The following CLINT1 variants were observed in gnomAD, a reference collection of about 807,000 sequenced individuals.
The protein encoded by CLINT1 is clathrin interacting protein localized in the trans-Golgi region.
CLINT1 carries 15 observed loss-of-function variants against 70.4 expected under a neutral mutation model. That is an observed-to-expected ratio of 0.21 (90% CI 0.14 to 0.33). The LOEUF is 0.33. Among genes scored for constraint, CLINT1 ranks in the 10% least tolerant of loss-of-function variants. CLINT1 has a pLI of 1.00. For missense variants in CLINT1, 615 were observed against 778.1 expected, an observed-to-expected ratio of 0.79 and a Z score of 2.49; for synonymous variants, 227 against 254.7, an observed-to-expected ratio of 0.89 and a Z score of 1.04.
At chr5:157,830,792 C>CTATA (rs1401102671) in intron 1 of CLINT1, among the ~76,000 whole-genome samples, 234 of 116,426 alleles carry the variant, frequency 2.0e-3, no homozygotes, top group South Asian at 4.3e-3. Context: ...CTCTCTCTCT[C>CTATA]TCTCTATATA....
rs182475505 is a variant in CLINT1, at chr5:157,799,064, A to C, written c.1013-4092T>G. On this transcript the variant is annotated intron_variant, in intron 8 of 11. Coordinates refer to ENST00000411809, the MANE Select transcript of CLINT1 (RefSeq NM_014666.4). Reference sequence around the variant, plus strand: ...CTGAAAAAGATCTGCCACATAATAAATGCTTAAATAACTACATTAATGGAA... The same window carrying C: ...CTGAAAAAGATCTGCCACATAATAACTGCTTAAATAACTACATTAATGGAA... 1.7e-3 allele frequency among the ~76,000 whole-genome samples: 257 copies of C among 152,258 alleles called. 1 individual carries two copies. Among genetic ancestry groups the C allele is most frequent in the African/African-American group, 6.0e-3 (249 of 41,586 alleles).
intron 8 of CLINT1, among the ~76,000 whole-genome samples, chr5:157,796,889 T>TAC (rs770958757): frequency 7.6e-5 from 8 of 105,116 alleles, no homozygotes; most frequent in Non-Finnish European, 1.6e-4. Context: ...CATACATACA[T>TAC]ATATATATAT....
intron 7 of CLINT1, among the ~76,000 whole-genome samples, chr5:157,805,126 C>A (rs1762347764): frequency 2.0e-5 from 3 of 152,222 alleles, no homozygotes; most frequent in Non-Finnish European, 1.5e-5. Context: ...ACTAAGCAGG[C>A]CTGGTTTTAT....
chr5:157,809,635 T>G lies in CLINT1; in HGVS notation c.688A>C (p.Arg230=). The G allele has an allele frequency of 6.2e-7, 1 of 1,605,332 alleles. No individual in the cohort carries two copies. Among genetic ancestry groups the G allele is most frequent in the Non-Finnish European group, 8.5e-7 (1 of 1,176,868 alleles). ...GACAAAGTGGTAAAATACCTGCATC[T>G]TTCTGGAGAGTCTTCTCTATCTTTC... ...RRKDREDSPE[R]CSDSDEEKKA... Residue 230 remains arginine (R), a synonymous_variant, in exon 6 of 12, where the codon AGA becomes CGA. Transcript: ENST00000411809.
chr5:157,800,378 A>G (rs768695670), intron 8 of CLINT1, among the ~76,000 whole-genome samples: 1 of 152,162 alleles, frequency 6.6e-6, no homozygotes, highest in Non-Finnish European at 1.5e-5. Flanking sequence ...CATCTGGTAA[A>G]TGACACCCAA....
rs898844885 is a variant in CLINT1 at position 157,792,016 on chromosome 5, A to C, written c.1088-21T>G. 5 of 1,597,682 alleles carry C rather than the reference A, an allele frequency of 3.1e-6. No homozygotes were observed. In the African/African-American group the frequency reaches 6.7e-5, roughly 22 times the overall value. On this transcript the variant is annotated intron_variant, in intron 9 of 11. Transcript: ENST00000411809. ...TGTTACTAAGACAGAAATAACTCTA[A>C]GGGTAAGAAACTTCATGGAATGCAC...
intron 5 of CLINT1, 52 bp downstream of exon 5, chr5:157,813,011 T>C: frequency 6.5e-7 from 1 of 1,541,970 alleles, no homozygotes; most frequent in Non-Finnish European, 8.8e-7. Context: ...TCTTAAAATA[T>C]ACTCAAGAAG....
In CLINT1 at chr5:157,787,817, A is replaced by G; in HGVS notation, c.1707T>C (p.Thr569=). 18 of 1,613,942 alleles carry G rather than the reference A, an allele frequency of 1.1e-5. No individual in the cohort carries two copies. Among genetic ancestry groups the G allele is most frequent in the Non-Finnish European group, 1.5e-5 (18 of 1,179,880 alleles). ...GTMGMAPLGN[T]PMMNQSMMGM... is the part of the protein sequence containing the mutation. ...CCATCATGCTCTGGTTCATCATCGG[A>G]GTATTTCCAAGAGGGGCCATTCCCA... is the stretch of plus-strand genomic sequence containing the variant. The change falls in exon 12 of 12, where the codon ACT becomes ACC. Residue 569 remains threonine (T), a synonymous_variant. Coordinates refer to ENST00000411809, the MANE Select transcript of CLINT1 (RefSeq NM_014666.4).
In CLINT1 at chr5:157,840,213, A is replaced by AAAAC. The variant is rs1554102281; in HGVS notation, c.41+18716_41+18717insGTTT. On this transcript the variant is annotated intron_variant, in intron 1 of 11. Coordinates refer to ENST00000411809, the MANE Select transcript of CLINT1 (RefSeq NM_014666.4). ...GCCTCAAAAAAAAAAAAAAAAAAAA[A>AAAAC]GGAAAAAAGAGAAGAAGAACTGAGG... Among the ~76,000 whole-genome samples, 762 of 141,462 alleles carry AAAAC rather than the reference A, an allele frequency of 5.4e-3. 11 individuals are homozygous for AAAAC. The highest frequency in any genetic ancestry group is 0.019 in the African/African-American group (712 of 37,694). 92.8% of individuals were successfully genotyped at this position (141,462 alleles called of 152,430 possible).
At chr5:157,812,049 C>T (rs1418723815) in intron 5 of CLINT1, among the ~76,000 whole-genome samples, 1 of 151,374 alleles carries the variant, frequency 6.6e-6, no homozygotes, top group East Asian at 1.9e-4. Flanking sequence ...AAAAAACTAA[C>T]TTGTATTTGA....
chr5:157,818,804 A>T (rs1231567765), intron 1 of CLINT1, among the ~76,000 whole-genome samples: 3 of 152,252 alleles, frequency 2.0e-5, no homozygotes, highest in Non-Finnish European at 2.9e-5. Flanking sequence ...TCTCATGCTT[A>T]TATGAATTTA....
At chr5:157,844,357 T>C (rs1017349238) in intron 1 of CLINT1, among the ~76,000 whole-genome samples, 4 of 152,232 alleles carry the variant, frequency 2.6e-5, no homozygotes, top group South Asian at 4.1e-4. Context: ...TACTCACTGA[T>C]ATATCATCTT....
chr5:157,807,716 G>C (rs1368399), intron 6 of CLINT1, among the ~76,000 whole-genome samples: 20,347 of 151,984 alleles, frequency 0.13, 1,793 homozygotes, highest in African/African-American at 0.25. Context: ...TCCTGTCTTA[G>C]AGGCAACATA....
Position 157,791,901 on chromosome 5 carries a change from G to A in CLINT1, c.1182C>T (p.Gly394=), listed in dbSNP as rs772771751. ...GTTCTACCGCTGGCTGTGAGGCACT[G>A]CCAAAGAACTCGCCACTGGAAGCAA... ...GPVASSGEFF[G]SASQPAVELV... is the part of the protein sequence containing the mutation. Residue 394 remains glycine (G), a synonymous_variant, in exon 10 of 12, where the codon GGC becomes GGT. Transcript: ENST00000411809. 5.0e-6 allele frequency: 8 copies of A among 1,613,998 alleles called. No homozygotes were observed. In the South Asian group the frequency reaches 8.8e-5, roughly 18 times the overall value.
intron 1 of CLINT1, among the ~76,000 whole-genome samples, chr5:157,848,555 G>A (rs917761763): frequency 6.6e-6 from 1 of 151,434 alleles, no homozygotes; most frequent in Non-Finnish European, 1.5e-5. Flanking sequence ...CCAGGCTGGA[G>A]TACAGTGGCG....
chr5:157,836,345 C>G (rs1161610004), intron 1 of CLINT1, among the ~76,000 whole-genome samples: 1 of 152,164 alleles, frequency 6.6e-6, no homozygotes, highest in Non-Finnish European at 1.5e-5. Context: ...GTCACACAAC[C>G]ATTAACTGTC....
rs1763137287 is a variant in CLINT1 at position 157,829,114 on chromosome 5, CAG to C, written c.42-11569_42-11568del. 3.3e-5 allele frequency among the ~76,000 whole-genome samples: 5 copies of C among 151,454 alleles called. No individual in the cohort carries two copies. The Middle Eastern group carries it at 0.01, about 309-fold the overall frequency. On this transcript the variant is annotated intron_variant, in intron 1 of 11. Transcript: ENST00000411809. ...GAGACTCTGCCTCAAACAACAACAA[CAG>C]CAACAACAACAACAACAAAAAACAC...
At chr5:157,813,340 A>C in intron 4 of CLINT1, 113 bp from the exon 5 acceptor site, 1 of 991,110 alleles carries the variant, frequency 1.0e-6, no homozygotes, top group South Asian at 1.9e-5. Flanking sequence ...TTCAATATTT[A>C]AAAAACAATA....
intron 8 of CLINT1, chr5:157,795,483 T>C (rs1312605320): frequency 2.0e-5 from 3 of 152,582 alleles, no homozygotes; most frequent in African/African-American, 7.2e-5. Context: ...ACTGTTTTAA[T>C]GTTAAATCCC....
Sources: gnomAD v4.1 joint callset for allele counts (sites outside exome capture counted in the v4.1 genomes callset) on GRCh38, gnomAD v4.1.1 for gene constraint, MANE v1.5 for transcripts, NCBI Gene and HGNC (gene_info 2026-07-23, HGNC 2026-07-21) for gene names.